GPC5: variants seen among roughly 807,000 people sequenced by gnomAD.
The protein encoded by GPC5 is glypican-5.
In GPC5, 47 loss-of-function variants were observed where a neutral mutation model predicts 53.9. The observed-to-expected ratio is 0.87, with a 90% confidence interval of 0.69 to 1.11. The LOEUF (loss-of-function observed/expected upper bound fraction) is 1.11. Ranked by LOEUF, GPC5 falls within the 50% of genes most tolerant of loss-of-function variation. The pLI is 0.00. For missense variants in GPC5, 748 were observed against 713.1 expected (o/e 1.05, Z -0.56); for synonymous variants, 286 against 263.3 (o/e 1.09, Z -0.84).
chr13:91,919,324 G>A (rs780392404), intron 6 of GPC5, among the ~76,000 whole-genome samples: 19 of 152,140 alleles, frequency 1.2e-4, no homozygotes, highest in African/African-American at 4.3e-4. Flanking sequence ...TTCTTTATGT[G>A]CCTTCTCCAT....
At chr13:92,399,251 T>A (rs1009113830) in intron 7 of GPC5, among the ~76,000 whole-genome samples, 1 of 152,190 alleles carries the variant, frequency 6.6e-6, no homozygotes, top group Non-Finnish European at 1.5e-5. Context: ...AAAACTCACA[T>A]AATTTAGATA....
At chr13:92,697,234 G>A (rs1200821140) in intron 7 of GPC5, among the ~76,000 whole-genome samples, 1 of 152,164 alleles carries the variant, frequency 6.6e-6, no homozygotes, top group African/African-American at 2.4e-5. Flanking sequence ...ATTCTGTGAA[G>A]AAAGTCAATG....
At chr13:92,384,361 T>C (rs1015343748) in intron 7 of GPC5, among the ~76,000 whole-genome samples, 9 of 152,166 alleles carry the variant, frequency 5.9e-5, no homozygotes, top group Non-Finnish European at 8.8e-5. Flanking sequence ...AGAACTCATT[T>C]GTTCTTATAA....
At chr13:92,641,079 G>T (rs1228518479) in intron 7 of GPC5, among the ~76,000 whole-genome samples, 1 of 152,116 alleles carries the variant, frequency 6.6e-6, no homozygotes, top group African/African-American at 2.4e-5. Flanking sequence ...TTTGGGAAGA[G>T]CTGGGTGAGA....
intron 2 of GPC5, among the ~76,000 whole-genome samples, chr13:91,677,563 T>C (rs2035412444): frequency 6.6e-6 from 1 of 152,190 alleles, no homozygotes. Flanking sequence ...ATGAATTAGT[T>C]CATCTGTCAA....
chr13:92,817,731 G>T (rs1396479946), intron 7 of GPC5, among the ~76,000 whole-genome samples: 2 of 151,934 alleles, frequency 1.3e-5, no homozygotes, highest in Non-Finnish European at 2.9e-5. Context: ...TTCACTGAAG[G>T]TCTGAGAAAC....
At chr13:92,652,118 G>C (rs1459512447) in intron 7 of GPC5, among the ~76,000 whole-genome samples, 1 of 152,000 alleles carries the variant, frequency 6.6e-6, no homozygotes, top group African/African-American at 2.4e-5. Flanking sequence ...TGTGGGCATA[G>C]GGTTTTTTTC....
At chr13:91,670,447 T>C (rs2035218268) in intron 2 of GPC5, among the ~76,000 whole-genome samples, 1 of 152,126 alleles carries the variant, frequency 6.6e-6, no homozygotes, top group Non-Finnish European at 1.5e-5. Context: ...ACATTCTTAA[T>C]GTTAGTGTGG....
chr13:91,814,010 G>T (rs1197792835), intron 5 of GPC5, among the ~76,000 whole-genome samples: 3 of 130,216 alleles, frequency 2.3e-5, no homozygotes, highest in African/African-American at 5.9e-5. Context: ...TCGGCTCACT[G>T]CAACCTCTGC....
At chr13:91,869,837 G>C (rs1449115371) in intron 5 of GPC5, among the ~76,000 whole-genome samples, 1 of 152,128 alleles carries the variant, frequency 6.6e-6, no homozygotes, top group Non-Finnish European at 1.5e-5. Flanking sequence ...TGACAGCAGA[G>C]GGAGAGAGAG....
chr13:92,795,696 G>A (rs1181998608), intron 7 of GPC5, among the ~76,000 whole-genome samples: 1 of 152,082 alleles, frequency 6.6e-6, no homozygotes, highest in Non-Finnish European at 1.5e-5. Flanking sequence ...CACAAAGTGG[G>A]CAAAGGATAT....
intron 7 of GPC5, among the ~76,000 whole-genome samples, chr13:92,334,076 G>A (rs540685160): frequency 1.3e-5 from 2 of 152,302 alleles, no homozygotes; most frequent in South Asian, 2.1e-4. Context: ...ATTGATCACA[G>A]CAAGGTTGTA....
At chr13:91,597,656 T>C (rs2033042161) in intron 2 of GPC5, among the ~76,000 whole-genome samples, 1 of 152,196 alleles carries the variant, frequency 6.6e-6, no homozygotes, top group Non-Finnish European at 1.5e-5. Context: ...TTTTGTTAGG[T>C]ACATGAGGAG....
intron 2 of GPC5, among the ~76,000 whole-genome samples, chr13:91,641,714 C>T (rs940179145): frequency 1.3e-5 from 2 of 152,182 alleles, no homozygotes; most frequent in Non-Finnish European, 2.9e-5. Flanking sequence ...TACATGGTAT[C>T]ATATTTAGTT....
chr13:91,837,039 A>G (rs1368225745), intron 5 of GPC5, among the ~76,000 whole-genome samples: 1 of 149,564 alleles, frequency 6.7e-6, no homozygotes, highest in Non-Finnish European at 1.5e-5. Context: ...ATGAAATTTA[A>G]TATTTTAATA....
intron 5 of GPC5, among the ~76,000 whole-genome samples, chr13:91,772,043 C>T (rs945028225): frequency 3.9e-5 from 6 of 152,072 alleles, no homozygotes; most frequent in African/African-American, 1.2e-4. Flanking sequence ...TAGGACTAAC[C>T]GAACACTGCT....
intron 6 of GPC5, among the ~76,000 whole-genome samples, chr13:92,060,810 G>C (rs1183744711): frequency 1.3e-5 from 2 of 151,944 alleles, no homozygotes; most frequent in African/African-American, 4.8e-5. Context: ...AATTATTAAA[G>C]AAAACAGAAA....
chr13:91,799,773 C>A (rs1209991857), intron 5 of GPC5, among the ~76,000 whole-genome samples: 1 of 152,120 alleles, frequency 6.6e-6, no homozygotes, highest in Non-Finnish European at 1.5e-5. Context: ...GCAATAGATT[C>A]TAGCTAACAT....
intron 7 of GPC5, among the ~76,000 whole-genome samples, chr13:92,510,688 T>A (rs1199267419): frequency 6.6e-6 from 1 of 152,238 alleles, no homozygotes; most frequent in Non-Finnish European, 1.5e-5. Flanking sequence ...TTACTTTAGA[T>A]GGAGCCACGT....
Sources: gnomAD v4.1 joint callset for allele counts (sites outside exome capture counted in the v4.1 genomes callset) on GRCh38, gnomAD v4.1.1 for gene constraint, MANE v1.5 for transcripts, NCBI Gene and HGNC (gene_info 2026-07-23, HGNC 2026-07-21) for gene names.